SEMA5A: variants seen among roughly 807,000 people sequenced by gnomAD.
SEMA5A encodes the protein semaphorin 5A, also known as semaphorin-5A.
Under a neutral mutation model 135.5 loss-of-function variants are expected in SEMA5A, and 55 were observed. The observed-to-expected ratio is 0.41, with a 90% CI of 0.33 to 0.51. The LOEUF (loss-of-function observed/expected upper bound fraction) is 0.51, where lower values mean the gene tolerates loss of function less well. Among genes scored for constraint, SEMA5A ranks in the 20% least tolerant of loss-of-function variants. SEMA5A has a pLI of 0.37. For missense variants in SEMA5A, 1,290 were observed against 1,419.9 expected (o/e 0.91, Z 1.47); for synonymous variants, 580 against 546.5 (o/e 1.06, Z -0.85).
chr5:9,330,708 G>A (rs1753093326), intron 4 of SEMA5A, among the ~76,000 whole-genome samples: 3 of 152,126 alleles, frequency 2.0e-5, no homozygotes, highest in African/African-American at 7.2e-5. Context: ...AATCAAATAA[G>A]CGAATTAGAA....
intron 4 of SEMA5A, among the ~76,000 whole-genome samples, chr5:9,335,136 G>C (rs1018025591): frequency 1.3e-5 from 2 of 152,084 alleles, no homozygotes; most frequent in African/African-American, 4.8e-5. Context: ...AGGGATGCTG[G>C]GGTGGAAGCT....
chr5:9,053,741 C>A (rs2150047972), intron 19 of SEMA5A: 1 of 175,340 alleles, frequency 5.7e-6, no homozygotes, highest in African/African-American at 2.4e-5. Flanking sequence ...CTGTGGGTCA[C>A]TAGTGTTAAT....
chr5:9,368,341 C>T (rs888180432), intron 3 of SEMA5A, among the ~76,000 whole-genome samples: 3 of 152,202 alleles, frequency 2.0e-5, no homozygotes, highest in Non-Finnish European at 4.4e-5. Flanking sequence ...GGATTTGACA[C>T]TCTCGACAAG....
chr5:9,337,843 T>A, intron 3 of SEMA5A, 31 bp from the exon 4 acceptor site: 1 of 1,454,700 alleles, frequency 6.9e-7, no homozygotes, highest in South Asian at 1.2e-5. Context: ...AATAAAAAGA[T>A]AAAAATGAAT....
chr5:9,266,168 TGAATACAGGTTGATGTTTCCAAAG>T (rs1749675261), intron 5 of SEMA5A, among the ~76,000 whole-genome samples: 1 of 152,240 alleles, frequency 6.6e-6, no homozygotes, highest in African/African-American at 2.4e-5. Flanking sequence ...TTCGAGTCTC[TGAATACAGGTTGATGTTTCCAAAG>T]GAGAGAACAG....
intron 13 of SEMA5A, among the ~76,000 whole-genome samples, chr5:9,134,333 A>C (rs1162938460): frequency 1.3e-5 from 2 of 152,080 alleles, no homozygotes; most frequent in African/African-American, 4.8e-5. Context: ...TTTTCTGTAG[A>C]GTCAGGGCCT....
rs550849191 is a variant in SEMA5A, at chr5:9,304,620, T to G, written c.270+13752A>C. Among the ~76,000 whole-genome samples, 9 of 152,312 alleles carry G rather than the reference T, an allele frequency of 5.9e-5. No homozygotes were observed. The South Asian group carries it at 1.7e-3, about 28-fold the overall frequency. ...TTATTTATGTATTTTTCTCCAAATTTGTAACTAATAATATTTTACTGCTGT... is the reference window on the plus strand; with the variant it reads ...TTATTTATGTATTTTTCTCCAAATTGGTAACTAATAATATTTTACTGCTGT... On this transcript the variant is annotated intron_variant, in intron 5 of 22. Transcript: ENST00000382496.
At chr5:9,247,947 T>C (rs979227200) in intron 5 of SEMA5A, among the ~76,000 whole-genome samples, 2 of 152,172 alleles carry the variant, frequency 1.3e-5, no homozygotes, top group African/African-American at 4.8e-5. Context: ...ATGTCCTAGT[T>C]AATATTGAAC....
At chr5:9,381,938 C>A (rs890663444) in intron 2 of SEMA5A, among the ~76,000 whole-genome samples, 4 of 74,738 alleles carry the variant, frequency 5.4e-5, no homozygotes, top group African/African-American at 1.7e-4. Context: ...AGATTAGAAT[C>A]ATTTTGTGTG....
At chr5:9,259,511 G>GA (rs1470173499) in intron 5 of SEMA5A, among the ~76,000 whole-genome samples, 2 of 150,786 alleles carry the variant, frequency 1.3e-5, no homozygotes, top group Non-Finnish European at 1.5e-5. Flanking sequence ...GTGTGGTGCT[G>GA]AAAAAAATGT....
intron 1 of SEMA5A, among the ~76,000 whole-genome samples, chr5:9,543,836 G>A (rs1579717451): frequency 1.4e-5 from 2 of 144,716 alleles, no homozygotes. Flanking sequence ...TATTTTTCAT[G>A]AAAAAAAAAA....
intron 11 of SEMA5A, among the ~76,000 whole-genome samples, chr5:9,176,566 C>T (rs1744216181): frequency 1.3e-5 from 2 of 152,218 alleles, no homozygotes; most frequent in Non-Finnish European, 2.9e-5. Flanking sequence ...ATATGTTGTA[C>T]AACAATGCAA....
At chr5:9,429,207 T>C (rs1313137203) in intron 2 of SEMA5A, among the ~76,000 whole-genome samples, 2 of 152,102 alleles carry the variant, frequency 1.3e-5, no homozygotes, top group South Asian at 2.1e-4. Context: ...AATGCATGAA[T>C]CTCTGATTGG....
chr5:9,066,701 C>A (rs906894748), intron 16 of SEMA5A, 55 bp from the exon 17 acceptor site: 2 of 1,470,088 alleles, frequency 1.4e-6, no homozygotes, highest in Non-Finnish European at 1.9e-6. Flanking sequence ...AGCAACCTCA[C>A]GAAGGGCTCC....
chr5:9,164,074 T>TAA lies in SEMA5A; in HGVS notation c.1274-9380_1274-9379insTT, dbSNP rs1237296334. ...TTTATAATATAAATATTTATATAAT[T>TAA]TATATAATTATAAATATATCATATA... On this transcript the variant is annotated intron_variant, in intron 11 of 22. Transcript: ENST00000382496. Among the ~76,000 whole-genome samples the TAA allele has an allele frequency of 6.3e-4, 13 of 20,634 alleles. 3 individuals carry two copies. The highest frequency in any genetic ancestry group is 1.1e-3 in the African/African-American group (9 of 8,216). The allele number at this position is 20,634 out of a possible 152,430, so 13.5% of individuals were successfully genotyped here.
intron 1 of SEMA5A, among the ~76,000 whole-genome samples, chr5:9,538,539 G>A (rs1415916649): frequency 6.6e-6 from 1 of 152,186 alleles, no homozygotes; most frequent in Non-Finnish European, 1.5e-5. Flanking sequence ...ACAAGATTCT[G>A]TGTTGTCAAA....
intron 2 of SEMA5A, chr5:9,422,288 TG>T (rs1223872618): frequency 6.6e-6 from 1 of 152,228 alleles, no homozygotes; most frequent in Admixed American, 6.5e-5. Context: ...TTCTTCAACC[TG>T]GGCAACGCAT....
At chr5:9,407,428 A>T (rs920244825) in intron 2 of SEMA5A, among the ~76,000 whole-genome samples, 1 of 152,254 alleles carries the variant, frequency 6.6e-6, no homozygotes, top group African/African-American at 2.4e-5. Context: ...TATAATGGAT[A>T]CCAGAAAAAC....
intron 21 of SEMA5A, chr5:9,045,800 T>C (rs1311317440): frequency 6.6e-6 from 1 of 152,266 alleles, no homozygotes; most frequent in Non-Finnish European, 1.5e-5. Context: ...ATTATTTTCC[T>C]GCAGTTATGA....
Sources: allele counts gnomAD v4.1 joint callset (sites outside exome capture counted in the v4.1 genomes callset), GRCh38; gene constraint gnomAD v4.1.1; transcripts MANE v1.5; gene names NCBI Gene and HGNC (gene_info 2026-07-23, HGNC 2026-07-21).